Variants in GBF1 observed in about 807,000 individuals in gnomAD.
GBF1 encodes Golgi-specific brefeldin A-resistance guanine nucleotide exchange factor 1.
In GBF1, 114 loss-of-function variants were observed where a neutral mutation model predicts 210.5. That is an observed-to-expected ratio of 0.54 (90% CI 0.47 to 0.63). The LOEUF (loss-of-function observed/expected upper bound fraction) is 0.63, where lower values mean the gene tolerates loss of function less well. Ranked by LOEUF, GBF1 falls within the 30% of genes least tolerant of loss-of-function variation. The probability of loss-of-function intolerance (pLI) is 0.00; values close to 1 mark genes in which losing one functional copy is unlikely to be tolerated. For missense variants in GBF1, 1,851 were observed against 2,357.7 expected (o/e 0.79, Z 4.45); for synonymous variants, 850 against 889.2 (o/e 0.96, Z 0.78).
intron 3 of GBF1, among the ~76,000 whole-genome samples, chr10:102,299,646 G>T (rs997876865): frequency 2.6e-5 from 4 of 152,144 alleles, no homozygotes; most frequent in Non-Finnish European, 4.4e-5. Context: ...GCAGGGCATG[G>T]TGGCACATGC....
At chr10:102,241,424 G>A (rs761692526), upstream of GBF1, 1 of 152,540 alleles carries the variant, frequency 6.6e-6, no homozygotes, top group Non-Finnish European at 1.5e-5. This position sits in a 1 kb window ranked among gnomAD's most constrained non-coding sequence, Gnocchi z 6.7. Flanking sequence ...CACCCGGCCG[G>A]AGTGGGGGCC....
chr10:102,258,940 TG>T lies in GBF1; in HGVS notation c.4del (p.Val2?). 6.3e-7 allele frequency: 1 copy of T among 1,577,868 alleles called. No homozygotes were observed. The highest frequency in any genetic ancestry group is 8.7e-7 in the Non-Finnish European group (1 of 1,147,002). On this transcript the variant is annotated frameshift_variant and start_lost, in exon 2 of 40. Coordinates refer to ENST00000369983, the MANE Select transcript of GBF1 (RefSeq NM_001377137.1). LOFTEE classifies it high-confidence loss of function. ...AACTGTTTTGGTAGGTTTGCCAAGA[TG>T]GTGGATAAGAATATTTACATCATTC... [M>X]VDKNIYIIQG... is the part of the protein sequence containing the mutation.
At chr10:102,283,258 A>G (rs17114433) in intron 3 of GBF1, among the ~76,000 whole-genome samples, 7,706 of 152,244 alleles carry the variant, frequency 0.051, 387 homozygotes, top group African/African-American at 0.13. Context: ...TTATGCTTTT[A>G]TTATATGTAG....
chr10:102,271,794 C>T (rs191554479), intron 3 of GBF1, among the ~76,000 whole-genome samples: 5 of 152,236 alleles, frequency 3.3e-5, no homozygotes, highest in Admixed American at 1.3e-4. Flanking sequence ...CTCTGTCCCC[C>T]AGGCTGGAGT....
At chr10:102,306,660 G>A (rs550163921) in intron 3 of GBF1, among the ~76,000 whole-genome samples, 6 of 152,234 alleles carry the variant, frequency 3.9e-5, no homozygotes, top group Non-Finnish European at 8.8e-5. Flanking sequence ...CTGACTGCAG[G>A]TGATCTGCCC....
chr10:102,321,015 C>G (rs961682222), intron 3 of GBF1, among the ~76,000 whole-genome samples: 1 of 152,012 alleles, frequency 6.6e-6, no homozygotes. Flanking sequence ...AAGCTGGTCT[C>G]AAACTCCTGA....
rs1418327711 is a variant in GBF1 at position 102,337,317 on chromosome 10, C to T, written c.164-6734C>T. 8.5e-5 allele frequency among the ~76,000 whole-genome samples: 9 copies of T among 105,766 alleles called. No homozygotes were observed. The East Asian group carries it at 2.6e-3, about 31-fold the overall frequency. 69.4% of individuals were successfully genotyped at this position (105,766 alleles called of 152,430 possible). ...GGTGCGTGGGGGAGCTTGCAGTGAG[C>T]CAAGATCTCGCCACTGCACTCCAGC... On this transcript the variant is annotated intron_variant, in intron 3 of 39. Coordinates refer to ENST00000369983, the MANE Select transcript of GBF1 (RefSeq NM_001377137.1).
At chr10:102,251,558 T>C (rs943353276) in intron 1 of GBF1, among the ~76,000 whole-genome samples, 3 of 152,122 alleles carry the variant, frequency 2.0e-5, no homozygotes, top group Non-Finnish European at 2.9e-5. Context: ...ATTTTTATTT[T>C]CATTTATTTA....
chr10:102,356,029 T>A (rs1425462897), intron 8 of GBF1, among the ~76,000 whole-genome samples: 1 of 152,158 alleles, frequency 6.6e-6, no homozygotes. Context: ...TGGAGATGGA[T>A]CATCTAGAAG....
At chr10:102,278,499 T>TA (rs997208849) in intron 3 of GBF1, among the ~76,000 whole-genome samples, 3 of 152,126 alleles carry the variant, frequency 2.0e-5, no homozygotes, top group African/African-American at 7.2e-5. Context: ...TCTTTCTTTT[T>TA]AAAAAATTGA....
At chr10:102,309,209 A>C (rs2078198081) in intron 3 of GBF1, among the ~76,000 whole-genome samples, 1 of 152,248 alleles carries the variant, frequency 6.6e-6, no homozygotes, top group Non-Finnish European at 1.5e-5. Context: ...CACTAGGTGA[A>C]CAACTTACTG....
intron 33 of GBF1, 113 bp downstream of exon 33, chr10:102,377,253 C>T (rs1486871119): frequency 1.4e-6 from 1 of 723,222 alleles, no homozygotes; most frequent in Non-Finnish European, 2.3e-6. Flanking sequence ...CAGCCCAGGC[C>T]CTGGACCACC....
intron 3 of GBF1, among the ~76,000 whole-genome samples, chr10:102,283,034 G>A (rs1032936292): frequency 2.0e-5 from 3 of 152,120 alleles, no homozygotes; most frequent in African/African-American, 7.2e-5. Context: ...ACAAGGAGGT[G>A]GAAACTATTG....
intron 3 of GBF1, among the ~76,000 whole-genome samples, chr10:102,288,499 C>T (rs551463010): frequency 6.6e-6 from 1 of 151,156 alleles, no homozygotes; most frequent in East Asian, 2.0e-4. Context: ...ATCATGAGGT[C>T]AGGAGATCGA....
In GBF1 at chr10:102,361,069, A is replaced by G. The variant is rs1436484139; in HGVS notation, c.1440A>G (p.Val480=). 4.4e-6 allele frequency: 7 copies of G among 1,608,564 alleles called. No homozygotes were observed. The highest frequency in any genetic ancestry group is 3.3e-5 in the Admixed American group (2 of 59,950). The change falls in exon 13 of 40, where the codon GTA becomes GTG. Residue 480 remains valine (V), a synonymous_variant. Coordinates refer to ENST00000369983, the MANE Select transcript of GBF1 (RefSeq NM_001377137.1). ...ACCTTTATGCTGCTTCCCTGCGAGTATGCTTCCTACTGTTTGAGAGCATGC... is the reference window on the plus strand; with the variant it reads ...ACCTTTATGCTGCTTCCCTGCGAGTGTGCTTCCTACTGTTTGAGAGCATGC... ...RLNLYAASLR[V]CFLLFESMRE...
chr10:102,243,015 G>T (rs1384390914), upstream of GBF1, among the ~76,000 whole-genome samples: 1 of 151,432 alleles, frequency 6.6e-6, no homozygotes, highest in Non-Finnish European at 1.5e-5. Context: ...ACTGTTCAGT[G>T]ACTCCCATTG....
intron 36 of GBF1, 80 bp from the exon 37 acceptor site, chr10:102,380,169 C>T: frequency 3.3e-6 from 3 of 904,872 alleles, no homozygotes; most frequent in Non-Finnish European, 5.6e-6. Flanking sequence ...CAAGATAGGA[C>T]AGGCTTAGCT....
chr10:102,365,577 G>C lies in GBF1; in HGVS notation c.2287G>C (p.Asp763His). The C allele has an allele frequency of 6.2e-7, 1 of 1,614,068 alleles. No individual in the cohort carries two copies. Among genetic ancestry groups the C allele is most frequent in the African/African-American group, 1.3e-5 (1 of 75,022 alleles). Reference sequence around the variant, plus strand: ...GTTTGTGAGTGACCGCAAAAACATTGACCTGTTGGAGAGCTTTGTGAGGTG... The same window carrying C: ...GTTTGTGAGTGACCGCAAAAACATTCACCTGTTGGAGAGCTTTGTGAGGTG... ...GEFVSDRKNIDLLESFVSTFS... is the reference protein window; with the variant it reads ...GEFVSDRKNIHLLESFVSTFS... The change falls in exon 18 of 40, where the codon GAC becomes CAC. Residue 763 changes from aspartate (D) to histidine (H), a missense_variant. Physicochemically the swap from Asp to His is moderately conservative, Grantham distance 81 (BLOSUM62 -1). Coordinates refer to ENST00000369983, the MANE Select transcript of GBF1 (RefSeq NM_001377137.1).
chr10:102,292,689 A>G (rs2076545897), intron 3 of GBF1, among the ~76,000 whole-genome samples: 1 of 152,182 alleles, frequency 6.6e-6, no homozygotes, highest in South Asian at 2.1e-4. Flanking sequence ...TAAAGTCCCT[A>G]AAGTCCTAAG....
Sources: gnomAD v4.1 joint callset for allele counts (sites outside exome capture counted in the v4.1 genomes callset) on GRCh38, gnomAD v4.1.1 for gene constraint, Gnocchi (gnomAD v3.1) non-coding constraint, MANE v1.5 for transcripts, NCBI Gene and HGNC (gene_info 2026-07-23, HGNC 2026-07-21) for gene names.